DNAH5: variants seen among roughly 807,000 people sequenced by gnomAD.
The protein encoded by DNAH5 is dynein axonemal heavy chain 5.
Under a neutral mutation model 518.2 loss-of-function variants are expected in DNAH5, and 372 were observed. That is an observed-to-expected ratio of 0.72 (90% CI 0.66 to 0.78). The LOEUF (loss-of-function observed/expected upper bound fraction) is 0.78. Among genes scored for constraint, DNAH5 ranks in the 30% least tolerant of loss-of-function variants. DNAH5 has a pLI of 0.00. For synonymous variants in DNAH5, 2,039 were observed against 2,025.9 expected (o/e 1.01, Z -0.17); for missense variants, 5,523 against 5,687.0 (o/e 0.97, Z 0.93).
chr5:13,727,116 C>A (rs1745848104), intron 70 of DNAH5, among the ~76,000 whole-genome samples: 1 of 152,168 alleles, frequency 6.6e-6, no homozygotes, highest in Non-Finnish European at 1.5e-5. Context: ...CACCCTAATG[C>A]CTTTATGTTC....
chr5:13,866,146 G>A (rs1385466768), intron 26 of DNAH5, 74 bp downstream of exon 26: 3 of 1,416,976 alleles, frequency 2.1e-6, no homozygotes, highest in Admixed American at 1.8e-5. Flanking sequence ...ATCTTACAAA[G>A]AAGAAAACAT....
chr5:13,771,703 C>T (rs116440647), intron 55 of DNAH5, among the ~76,000 whole-genome samples: 89 of 152,232 alleles, frequency 5.8e-4, no homozygotes, highest in Non-Finnish European at 1.1e-3. Context: ...GAAAGAGGAA[C>T]GTGAAACTTG....
chr5:13,899,249 A>G (rs72735060), intron 15 of DNAH5: 24,117 of 152,428 alleles, frequency 0.16, 2,090 homozygotes, highest in Middle Eastern at 0.27. Flanking sequence ...TCTCCTTGAC[A>G]CTTGGTTTCT....
intron 69 of DNAH5, 116 bp from the exon 70 acceptor site, chr5:13,727,772 C>T: frequency 4.4e-6 from 5 of 1,130,692 alleles, no homozygotes; most frequent in Non-Finnish European, 6.4e-6. Flanking sequence ...AATTATATTC[C>T]TTGGCTATTT....
chr5:14,004,549 G>A (rs147208932), intron 1 of DNAH5, among the ~76,000 whole-genome samples: 12 of 152,250 alleles, frequency 7.9e-5, no homozygotes, highest in East Asian at 7.7e-4. Flanking sequence ...AGCACACTGT[G>A]GTGCAAAGAT....
At chr5:13,981,027 A>C (rs1167783695) in intron 1 of DNAH5, among the ~76,000 whole-genome samples, 1 of 152,164 alleles carries the variant, frequency 6.6e-6, no homozygotes, top group African/African-American at 2.4e-5. Context: ...CACTATATAA[A>C]GTAGCAAGCC....
In DNAH5 at chr5:13,866,270, C is replaced by T. The variant is rs1327017174; in HGVS notation, c.4066G>A (p.Ala1356Thr). The T allele has an allele frequency of 6.2e-7, 1 of 1,613,432 alleles. No individual in the cohort carries two copies. Among genetic ancestry groups the T allele is most frequent in the African/African-American group, 1.3e-5 (1 of 74,990 alleles). Residue 1356 changes from alanine to threonine, a missense_variant, in exon 26 of 79, where the codon GCT becomes ACT. Coordinates refer to ENST00000265104, the MANE Select transcript of DNAH5 (RefSeq NM_001369.3). ...GCTTCCTGGGGCTTCAAGCCGCTAG[C>T]CATTGGACCATTCTGAACAAAAAGT... ...YLDYDLNGPM[A>T]SGLKPQEASD...
intron 78 of DNAH5, among the ~76,000 whole-genome samples, chr5:13,695,397 A>C (rs1478480153): frequency 6.6e-6 from 1 of 152,172 alleles, no homozygotes; most frequent in African/African-American, 2.4e-5. Flanking sequence ...CTTAGCAGGT[A>C]CCTGAGAAAA....
intron 65 of DNAH5, among the ~76,000 whole-genome samples, chr5:13,750,366 A>G (rs903103384): frequency 1.3e-4 from 20 of 152,222 alleles, no homozygotes; most frequent in African/African-American, 4.3e-4. Context: ...CTGAAGCCTC[A>G]CATACTCCCT....
chr5:13,922,372 A>G, intron 4 of DNAH5, 44 bp from the exon 5 acceptor site: 1 of 1,524,838 alleles, frequency 6.6e-7, no homozygotes, highest in Middle Eastern at 1.7e-4. Context: ...AATCATCCTC[A>G]AATGCAACAC....
intron 1 of DNAH5, among the ~76,000 whole-genome samples, chr5:13,987,317 T>A (rs1783120013): frequency 6.6e-6 from 1 of 152,000 alleles, no homozygotes; most frequent in Non-Finnish European, 1.5e-5. Flanking sequence ...ACTCAGACAC[T>A]GAATATAGTA....
chr5:13,810,332 G>C (rs35058767), intron 44 of DNAH5, 72 bp from the exon 45 acceptor site: 2 of 1,311,858 alleles, frequency 1.5e-6, no homozygotes, highest in Non-Finnish European at 2.1e-6. Flanking sequence ...GTTTCAATGG[G>C]AACAGTAAAC....
intron 17 of DNAH5, among the ~76,000 whole-genome samples, chr5:13,888,771 T>C (rs534771462): frequency 5.3e-5 from 8 of 152,332 alleles, no homozygotes; most frequent in African/African-American, 1.9e-4. Context: ...AGCCATCCAA[T>C]AAGGCCATAC....
chr5:13,811,620 AT>A, intron 44 of DNAH5, 26 bp downstream of exon 44: 1 of 1,609,650 alleles, frequency 6.2e-7, no homozygotes, highest in South Asian at 1.1e-5. Flanking sequence ...ATAAGAGAGA[AT>A]TTCTCTAGAA....
intron 40 of DNAH5, 100 bp from the exon 41 acceptor site, chr5:13,820,599 C>A: frequency 2.2e-6 from 3 of 1,384,800 alleles, no homozygotes; most frequent in Non-Finnish European, 2.0e-6. Context: ...CCGAGGCGGG[C>A]AGATCACAAG....
intron 1 of DNAH5, among the ~76,000 whole-genome samples, chr5:13,998,355 T>G (rs1784112813): frequency 6.6e-6 from 1 of 152,204 alleles, no homozygotes; most frequent in African/African-American, 2.4e-5. Flanking sequence ...CCTAATAACT[T>G]CTTAAAGGCC....
At chr5:13,845,482 AAGC>A (rs1402002014) in intron 31 of DNAH5, among the ~76,000 whole-genome samples, 1 of 151,998 alleles carries the variant, frequency 6.6e-6, no homozygotes, top group Non-Finnish European at 1.5e-5. Flanking sequence ...ATCCAAGCAG[AAGC>A]AAAACCCAGC....
chr5:13,767,248 C>T (rs1752625918), intron 58 of DNAH5, among the ~76,000 whole-genome samples: 1 of 152,164 alleles, frequency 6.6e-6, no homozygotes, highest in Non-Finnish European at 1.5e-5. Flanking sequence ...CCTCAGCCTC[C>T]TGAATAGCTG....
Position 13,793,553 on chromosome 5 carries a change from C to A in DNAH5, c.8186G>T (p.Cys2729Phe), listed in dbSNP as rs1757341100. Residue 2729 changes from cysteine to phenylalanine, a missense_variant, in exon 49 of 79, where the codon TGC (cysteine) becomes TTC (phenylalanine). Physicochemically the swap from Cys to Phe is radical, Grantham distance 205. This residue lies in a region of DNAH5 where 5,121 missense variants were observed against 5,223.3 expected (regional missense o/e 0.98). Coordinates refer to ENST00000265104, the MANE Select transcript of DNAH5 (RefSeq NM_001369.3). ...RLKRQFSIFN[C>F]TLPSEASVDK... ...CACAGAAGCTTCAGAGGGCAACGTGCAATTAAATATAGAGAACTGCCTCTT... is the reference window on the plus strand; with the variant it reads ...CACAGAAGCTTCAGAGGGCAACGTGAAATTAAATATAGAGAACTGCCTCTT... 1.2e-6 allele frequency: 2 copies of A among 1,614,072 alleles called. No individual in the cohort carries two copies. The highest frequency in any genetic ancestry group is 1.7e-6 in the Non-Finnish European group (2 of 1,180,008).
Sources: gnomAD v4.1 joint callset for allele counts (sites outside exome capture counted in the v4.1 genomes callset) on GRCh38, gnomAD v4.1.1 for gene constraint, gnomAD v4.1.1 regional missense constraint, MANE v1.5 for transcripts, NCBI Gene and HGNC (gene_info 2026-07-23, HGNC 2026-07-21) for gene names.